The following WNT10A variants were observed in gnomAD, a reference collection of about 807,000 sequenced individuals.
WNT10A encodes Wnt family member 10A, also known as protein Wnt-10a.
Under a neutral mutation model 36.1 loss-of-function variants are expected in WNT10A, and 37 were observed. The observed-to-expected ratio is 1.02, with a 90% CI of 0.79 to 1.35. The LOEUF (loss-of-function observed/expected upper bound fraction) is 1.35. Ranked by LOEUF, WNT10A falls within the 40% of genes most tolerant of loss-of-function variation. The probability of loss-of-function intolerance (pLI) is 0.00; values close to 1 mark genes in which losing one functional copy is unlikely to be tolerated. For missense variants in WNT10A, 613 were observed against 601.4 expected, an observed-to-expected ratio of 1.02 and a Z score of -0.20; for synonymous variants, 255 against 254.1, an observed-to-expected ratio of 1.00 and a Z score of -0.03.
At chr2:218,876,378 C>G (rs552109882), upstream of WNT10A, among the ~76,000 whole-genome samples, 8 of 152,274 alleles carry the variant, frequency 5.3e-5, no homozygotes, top group South Asian at 1.7e-3. Flanking sequence ...AGACCCTCAC[C>G]GTGGCTTCCA....
chr2:218,881,984 G>A (rs1387977470), intron 1 of WNT10A, among the ~76,000 whole-genome samples, 177 bp from the exon 2 acceptor site: 1 of 152,220 alleles, frequency 6.6e-6, no homozygotes, highest in Non-Finnish European at 1.5e-5. Context: ...TGGGCAGGAT[G>A]ATTGTGAGGA....
At chr2:218,879,262 T>C (rs1391138471), upstream of WNT10A, among the ~76,000 whole-genome samples, 1 of 152,230 alleles carries the variant, frequency 6.6e-6, no homozygotes, top group African/African-American at 2.4e-5. Context: ...TCCCCAGGGA[T>C]GGGCAATTCC....
Position 218,882,247 on chromosome 2 carries a change from T to C in WNT10A, c.200T>C (p.Leu67Pro), listed in dbSNP as rs772059787. The C allele has an allele frequency of 3.2e-5, 52 of 1,614,068 alleles. No homozygotes were observed. Among genetic ancestry groups the C allele is most frequent in the Non-Finnish European group, 4.4e-5 (52 of 1,180,034 alleles). Residue 67 changes from leucine (L) to proline (P), a missense_variant, in exon 2 of 4, where the codon CTG becomes CCG. Transcript: ENST00000258411. ...ACAGTGTGCCTAACATTGCCAGGCCTGAGCCGGCGGCAGATGGAGGTGTGT... is the reference window on the plus strand; with the variant it reads ...ACAGTGTGCCTAACATTGCCAGGCCCGAGCCGGCGGCAGATGGAGGTGTGT... The part of the protein sequence containing the change: ...ANTVCLTLPG[L>P]SRRQMEVCVR...
At chr2:218,891,632 G>C (rs536830907) in intron 3 of WNT10A, among the ~76,000 whole-genome samples, 2 of 151,968 alleles carry the variant, frequency 1.3e-5, no homozygotes, top group African/African-American at 2.4e-5. Context: ...CCTCCTCCTC[G>C]TTAAACTGGT....
At chr2:218,877,146 G>C (rs559412859), upstream of WNT10A, among the ~76,000 whole-genome samples, 2 of 152,362 alleles carry the variant, frequency 1.3e-5, no homozygotes, top group East Asian at 1.9e-4. The surrounding 1 kb of genome is among the most constrained non-coding windows in gnomAD (Gnocchi z 4.1). Flanking sequence ...AAGGAATTCA[G>C]AGGAAGTTGT....
chr2:218,892,306 CA>C (rs1944661088), intron 3 of WNT10A, among the ~76,000 whole-genome samples: 7 of 540 alleles, frequency 0.013, no homozygotes, highest in Non-Finnish European at 0.013. Context: ...CACCCCACCA[CA>C]CACACACACA....
intron 2 of WNT10A, among the ~76,000 whole-genome samples, chr2:218,883,114 A>G (rs1944536933): frequency 6.6e-6 from 1 of 152,062 alleles, no homozygotes; most frequent in Admixed American, 6.6e-5. Flanking sequence ...CACCCTGACA[A>G]TCCCAGAGTG....
chr2:218,874,599 G>A, the WNT10A span, among the ~76,000 whole-genome samples: 4 of 152,318 alleles, frequency 2.6e-5, no homozygotes, highest in African/African-American at 9.6e-5. Context: ...CTCCAGAGCT[G>A]AAGCTTGAGC....
chr2:218,882,555 G>A, intron 2 of WNT10A, 132 bp downstream of exon 2: 2 of 1,212,222 alleles, frequency 1.6e-6, no homozygotes, highest in Non-Finnish European at 2.4e-6. Context: ...TGTTGGCCCT[G>A]CTGCTCTCCT....
At chr2:218,877,047 G>C (rs1944458575), upstream of WNT10A, among the ~76,000 whole-genome samples, 1 of 152,226 alleles carries the variant, frequency 6.6e-6, no homozygotes, top group African/African-American at 2.4e-5. This position sits in a 1 kb window ranked among gnomAD's most constrained non-coding sequence, Gnocchi z 4.1. Flanking sequence ...GGGTGAGATA[G>C]GGTGGAAGAT....
Position 218,882,298 on chromosome 2 carries a change from C to T in WNT10A, c.251C>T (p.Ser84Leu). The T allele has an allele frequency of 1.2e-6, 2 of 1,614,226 alleles. No individual in the cohort carries two copies. Among genetic ancestry groups the T allele is most frequent in the South Asian group, 1.1e-5 (1 of 91,084 alleles). ...GTGCGTCACCCTGATGTGGCTGCCT[C>T]AGCCATACAGGGCATCCAGATCGCC... is the stretch of plus-strand genomic sequence containing the variant. ...VCVRHPDVAASAIQGIQIAIH... is the reference protein window; with the variant it reads ...VCVRHPDVAALAIQGIQIAIH... The change falls in exon 2 of 4, where the codon TCA becomes TTA. Residue 84 changes from serine (S) to leucine (L), a missense_variant. Coordinates refer to ENST00000258411, the MANE Select transcript of WNT10A (RefSeq NM_025216.3).
intron 2 of WNT10A, among the ~76,000 whole-genome samples, chr2:218,888,204 T>C (rs1944599841): frequency 6.6e-6 from 1 of 152,238 alleles, no homozygotes; most frequent in South Asian, 2.1e-4. Flanking sequence ...CTCTCTGGTG[T>C]GCGGAGGCTG....
chr2:218,892,665 C>T, intron 3 of WNT10A, 109 bp from the exon 4 acceptor site: 1 of 1,494,132 alleles, frequency 6.7e-7, no homozygotes, highest in Non-Finnish European at 9.0e-7. Flanking sequence ...CCGGCCTCAG[C>T]GTTTGCCTCT....
At chr2:218,890,694 G>T (rs1196838087) in intron 3 of WNT10A, among the ~76,000 whole-genome samples, 6 of 152,128 alleles carry the variant, frequency 3.9e-5, no homozygotes, top group Non-Finnish European at 7.4e-5. Flanking sequence ...TAGGCCTGGA[G>T]CTCCCATCTG....
At chr2:218,886,239 C>T (rs989081664) in intron 2 of WNT10A, among the ~76,000 whole-genome samples, 1 of 152,176 alleles carries the variant, frequency 6.6e-6, no homozygotes, top group East Asian at 1.9e-4. Context: ...ACACCAAACA[C>T]CTACTCCTGT....
At position 218,881,119 on chromosome 2, in the gene WNT10A, AC is replaced by A. The variant is rs937005677; in HGVS notation, c.113+13del. The A allele has an allele frequency of 3.8e-6, 6 of 1,583,902 alleles. No individual in the cohort carries two copies. In the African/African-American group the frequency reaches 8.1e-5, roughly 21 times the overall value. On this transcript the variant is annotated intron_variant, in intron 1 of 3. Coordinates refer to ENST00000258411, the MANE Select transcript of WNT10A (RefSeq NM_025216.3). ...TGCTGCCATGCCCAGGTGAGCCCTC[AC>A]CTCATGCTCCGCCCTCCTAGAGAGT...
At chr2:218,879,089 C>G (rs1431082148), upstream of WNT10A, among the ~76,000 whole-genome samples, 1 of 150,456 alleles carries the variant, frequency 6.6e-6, no homozygotes, top group Non-Finnish European at 1.5e-5. Context: ...GCCCCACCCC[C>G]ACCCCCAGCA....
upstream of WNT10A, chr2:218,880,693 C>T: frequency 2.9e-6 from 1 of 339,914 alleles, no homozygotes; most frequent in Non-Finnish European, 5.4e-6. The surrounding 1 kb of genome is among the most constrained non-coding windows in gnomAD (Gnocchi z 7.7). Context: ...CCGGGCCCCC[C>T]TTACCCTTGA....
chr2:218,893,439 TC>T lies in WNT10A; in HGVS notation c.*170del. On this transcript the variant is annotated 3_prime_UTR_variant, in exon 4 of 4. Coordinates refer to ENST00000258411, the MANE Select transcript of WNT10A (RefSeq NM_025216.3). The surrounding 1 kb of genome is among the most constrained non-coding windows in gnomAD (Gnocchi z 6.3). ...TCTGAGGTCTGTGATCGCCGGACAG[TC>T]CAGGCCTGTCTGAACCCCACCACTC... is the stretch of plus-strand genomic sequence containing the variant. The T allele has an allele frequency of 1.0e-6, 1 of 968,600 alleles. No homozygotes were observed. Among genetic ancestry groups the T allele is most frequent in the Non-Finnish European group, 1.5e-6 (1 of 681,800 alleles). The allele number at this position is 968,600 out of a possible 1,614,324, so 60.0% of individuals were successfully genotyped here. A position where few individuals can be genotyped will look rare whatever the true frequency, so the allele number is the denominator to read the frequency against.
Sources: gnomAD v4.1 joint callset for allele counts (sites outside exome capture counted in the v4.1 genomes callset) on GRCh38, gnomAD v4.1.1 for gene constraint, Gnocchi (gnomAD v3.1) non-coding constraint, MANE v1.5 for transcripts, NCBI Gene and HGNC (gene_info 2026-07-23, HGNC 2026-07-21) for gene names.